Variants in DOCK9 observed in about 807,000 individuals in gnomAD.
DOCK9 encodes dedicator of cytokinesis 9.
DOCK9 carries 89 observed loss-of-function variants against 263.3 expected under a neutral mutation model. That is an observed-to-expected ratio of 0.34 (90% CI 0.28 to 0.40). The LOEUF is 0.40. Among genes scored for constraint, DOCK9 ranks in the 10% least tolerant of loss-of-function variants. The pLI is 1.00. For synonymous variants in DOCK9, 976 were observed against 973.1 expected (o/e 1.00, Z -0.06); for missense variants, 2,140 against 2,603.4 (o/e 0.82, Z 3.87).
At chr13:98,999,091 C>A (rs1300662869) in intron 1 of DOCK9, among the ~76,000 whole-genome samples, 4 of 152,204 alleles carry the variant, frequency 2.6e-5, no homozygotes, top group African/African-American at 9.7e-5. Context: ...CTAACCCAAA[C>A]TTCAGAGAGT....
intron 1 of DOCK9, among the ~76,000 whole-genome samples, chr13:98,966,809 T>C (rs1390829376): frequency 6.6e-6 from 1 of 152,244 alleles, no homozygotes; most frequent in East Asian, 1.9e-4. Flanking sequence ...GTTTAAATCC[T>C]AGTCCCAAAA....
intron 45 of DOCK9, among the ~76,000 whole-genome samples, chr13:98,812,821 A>C (rs1480100161): frequency 2.0e-5 from 3 of 152,218 alleles, no homozygotes; most frequent in Non-Finnish European, 4.4e-5. Flanking sequence ...ATGCCCCATT[A>C]AGTCAAAAGT....
chr13:98,962,860 C>T (rs76791391), intron 1 of DOCK9, among the ~76,000 whole-genome samples: 6,914 of 152,134 alleles, frequency 0.045, 216 homozygotes, highest in Middle Eastern at 0.1. Flanking sequence ...CCAGGGAAGA[C>T]GAAGAATAAC....
At chr13:99,038,290 T>C (rs201868851) in intron 1 of DOCK9, among the ~76,000 whole-genome samples, 54 of 26,986 alleles carry the variant, frequency 2.0e-3, no homozygotes, top group South Asian at 0.014. Flanking sequence ...ATGCCCCCCT[T>C]TTTTTTTTTT....
chr13:98,890,515 T>C (rs1476001400), intron 15 of DOCK9, among the ~76,000 whole-genome samples: 3 of 152,238 alleles, frequency 2.0e-5, no homozygotes, highest in Non-Finnish European at 4.4e-5. Flanking sequence ...CAACACGATA[T>C]GACTTAGTCT....
intron 38 of DOCK9, among the ~76,000 whole-genome samples, chr13:98,839,968 G>T (rs1336692062): frequency 1.3e-5 from 2 of 152,156 alleles, no homozygotes; most frequent in Non-Finnish European, 2.9e-5. Context: ...GTTATGCTTT[G>T]CTTTTCCTCC....
At chr13:98,851,013 C>T (rs886172876) in intron 35 of DOCK9, among the ~76,000 whole-genome samples, 1 of 152,114 alleles carries the variant, frequency 6.6e-6, no homozygotes, top group Non-Finnish European at 1.5e-5. Context: ...GATGTATGGC[C>T]ACAGGCTTTC....
rs183790484 is a variant in DOCK9, at chr13:99,029,339, C to T, written c.129+56884G>A. On this transcript the variant is annotated intron_variant, in intron 1 of 32. Transcript: ENST00000427887. ...CCAGCCCTACAGTTGATGGCTGCTT[C>T]CTACAGCCACTACCTCTACAATATC... 9.8e-5 allele frequency among the ~76,000 whole-genome samples: 15 copies of T among 152,318 alleles called. No individual in the cohort carries two copies. The East Asian group carries it at 2.9e-3, about 29-fold the overall frequency.
chr13:99,044,979 C>T (rs953146979), intron 1 of DOCK9, among the ~76,000 whole-genome samples: 7 of 152,146 alleles, frequency 4.6e-5, no homozygotes, highest in Non-Finnish European at 8.8e-5. Flanking sequence ...TTCAGTGGTA[C>T]CCAAGTCGAC....
chr13:98,811,986 C>T (rs1013055773), intron 45 of DOCK9, among the ~76,000 whole-genome samples: 2 of 152,094 alleles, frequency 1.3e-5, no homozygotes, highest in South Asian at 2.1e-4. Context: ...CAATACCATT[C>T]GATGAGAGAC....
intron 1 of DOCK9, among the ~76,000 whole-genome samples, chr13:99,017,048 G>T (rs149863471): frequency 6.6e-6 from 1 of 152,156 alleles, no homozygotes; most frequent in East Asian, 1.9e-4. Flanking sequence ...TCTCTCTCCT[G>T]TATTTTTATG....
At chr13:99,079,211 A>G (rs890223685) in intron 1 of DOCK9, among the ~76,000 whole-genome samples, 1 of 152,242 alleles carries the variant, frequency 6.6e-6, no homozygotes, top group Admixed American at 6.5e-5. Flanking sequence ...ATAGACAAAT[A>G]GCTACAGGGC....
intron 1 of DOCK9, among the ~76,000 whole-genome samples, chr13:99,045,082 G>A (rs6491479): frequency 0.64 from 96,652 of 152,058 alleles, 31,223 homozygotes; most frequent in East Asian, 0.89. Flanking sequence ...TGAAGCCACT[G>A]TGGAAAACAG....
intron 25 of DOCK9, 82 bp from the exon 26 acceptor site, chr13:98,880,754 A>G: frequency 6.6e-7 from 1 of 1,522,794 alleles, no homozygotes; most frequent in Non-Finnish European, 8.9e-7. Context: ...AAGAATGGAG[A>G]TCAGGGACTG....
intron 1 of DOCK9, among the ~76,000 whole-genome samples, chr13:99,006,975 C>G (rs1382025175): frequency 6.6e-6 from 1 of 152,016 alleles, no homozygotes; most frequent in African/African-American, 2.4e-5. Flanking sequence ...GTCTGTAGTC[C>G]CAATTACTCA....
intron 47 of DOCK9, chr13:98,808,530 T>TA (rs919985457): frequency 1.4e-3 from 1,006 of 727,754 alleles, no homozygotes; most frequent in African/African-American, 2.1e-3. Context: ...CACAAAACAG[T>TA]AAAAAAAAAT....
chr13:98,989,346 G>GATAATAATAATAATA (rs777442315), intron 1 of DOCK9, among the ~76,000 whole-genome samples: 2 of 60,070 alleles, frequency 3.3e-5, no homozygotes, highest in African/African-American at 9.6e-5. Context: ...TGATGATGAT[G>GATAATAATAATAATA]ATAATAATAA....
At chr13:98,796,222 G>A in intron 52 of DOCK9, 1 of 1,586,754 alleles carries the variant, frequency 6.3e-7, no homozygotes, top group Non-Finnish European at 8.6e-7. Context: ...AGCTGAACGT[G>A]TTAGCATGGA....
At chr13:98,862,310 A>G (rs1018406929) in intron 32 of DOCK9, among the ~76,000 whole-genome samples, 1 of 152,170 alleles carries the variant, frequency 6.6e-6, no homozygotes, top group Admixed American at 6.5e-5. Flanking sequence ...TGGAAATAGG[A>G]TCTTTCCATT....
Sources: allele counts gnomAD v4.1 joint callset (sites outside exome capture counted in the v4.1 genomes callset), GRCh38; gene constraint gnomAD v4.1.1; transcripts MANE v1.5; gene names NCBI Gene and HGNC (gene_info 2026-07-23, HGNC 2026-07-21).